The following OTUD7A variants were observed in gnomAD, a reference collection of about 807,000 sequenced individuals.
OTUD7A encodes OTU domain-containing protein 7A.
OTUD7A carries 12 observed loss-of-function variants against 65.7 expected under a neutral mutation model. That is an observed-to-expected ratio of 0.18 (90% CI 0.12 to 0.30). OTUD7A has a LOEUF of 0.30. Ranked by LOEUF, OTUD7A falls within the 10% of genes least tolerant of loss-of-function variation. The pLI, the probability that OTUD7A is intolerant of heterozygous loss-of-function variation, is 1.00. For synonymous variants in OTUD7A, 641 were observed against 586.3 expected, an observed-to-expected ratio of 1.09 and a Z score of -1.35; for missense variants, 1,148 against 1,304.8, an observed-to-expected ratio of 0.88 and a Z score of 1.85.
intron 1 of OTUD7A, among the ~76,000 whole-genome samples, chr15:31,811,094 C>CATGCAGA (rs1896402215): frequency 6.6e-6 from 1 of 152,174 alleles, no homozygotes; most frequent in Non-Finnish European, 1.5e-5. Flanking sequence ...ACAGGTGAGG[C>CATGCAGA]ATGCAGAGAA....
intron 1 of OTUD7A, among the ~76,000 whole-genome samples, chr15:31,864,760 TACACACACACACACAC>T (rs72128495): frequency 6.8e-6 from 1 of 146,478 alleles, no homozygotes; most frequent in Non-Finnish European, 1.5e-5. Context: ...CTCCTCTTCC[TACACACACACACACAC>T]ACACACACAC....
intron 3 of OTUD7A, among the ~76,000 whole-genome samples, chr15:31,570,530 T>A (rs189449764): frequency 6.6e-6 from 1 of 150,840 alleles, no homozygotes; most frequent in East Asian, 1.9e-4. Context: ...CCTTTGAAAA[T>A]CAAGTTGTAG....
intron 1 of OTUD7A, among the ~76,000 whole-genome samples, chr15:31,794,548 A>G (rs1403568967): frequency 6.6e-6 from 1 of 151,916 alleles, no homozygotes; most frequent in Non-Finnish European, 1.5e-5. Flanking sequence ...TAAATGTCTA[A>G]TTGATTCATT....
At chr15:31,683,765 G>A (rs552887236) in intron 1 of OTUD7A, among the ~76,000 whole-genome samples, 58 of 152,116 alleles carry the variant, frequency 3.8e-4, no homozygotes, top group South Asian at 1.9e-3. Context: ...TAACAAAACC[G>A]TCTGGAGTTC....
intron 1 of OTUD7A, among the ~76,000 whole-genome samples, chr15:31,756,551 CAG>C (rs1894817075): frequency 6.6e-6 from 1 of 151,492 alleles, no homozygotes; most frequent in Non-Finnish European, 1.5e-5. Flanking sequence ...GCCAGGGTGA[CAG>C]AGACAGGGCT....
At chr15:31,733,751 C>T (rs1196979487) in intron 1 of OTUD7A, among the ~76,000 whole-genome samples, 1 of 152,184 alleles carries the variant, frequency 6.6e-6, no homozygotes, top group African/African-American at 2.4e-5. Flanking sequence ...TATCTGAGTG[C>T]TCTCAAATGG....
intron 5 of OTUD7A, among the ~76,000 whole-genome samples, chr15:31,550,876 G>C (rs1293251461): frequency 2.0e-5 from 3 of 152,200 alleles, no homozygotes; most frequent in Non-Finnish European, 2.9e-5. Flanking sequence ...GTTTACTCGT[G>C]TCCCTGAAGT....
At chr15:31,568,743 T>C (rs1461399360) in intron 4 of OTUD7A, among the ~76,000 whole-genome samples, 1 of 152,224 alleles carries the variant, frequency 6.6e-6, no homozygotes. Context: ...GGCCAACCCC[T>C]TGGTGATAAG....
chr15:31,622,873 T>C (rs1890835710), intron 3 of OTUD7A, among the ~76,000 whole-genome samples: 1 of 152,194 alleles, frequency 6.6e-6, no homozygotes, highest in Non-Finnish European at 1.5e-5. Context: ...TTCTGCTCTG[T>C]TTTTTCCCCA....
At chr15:31,782,562 C>T (rs1247754193) in intron 1 of OTUD7A, among the ~76,000 whole-genome samples, 7 of 151,920 alleles carry the variant, frequency 4.6e-5, no homozygotes, top group Non-Finnish European at 8.8e-5. Flanking sequence ...CCCAGGGGCA[C>T]GGGAGATGAT....
intron 1 of OTUD7A, among the ~76,000 whole-genome samples, chr15:31,795,278 G>A (rs750709380): frequency 1.3e-5 from 2 of 152,220 alleles, no homozygotes; most frequent in Non-Finnish European, 1.5e-5. Flanking sequence ...GTATGATTGA[G>A]GCTTTCATCT....
intron 3 of OTUD7A, among the ~76,000 whole-genome samples, chr15:31,573,354 A>G (rs1889109171): frequency 1.3e-5 from 2 of 152,240 alleles, no homozygotes; most frequent in Admixed American, 1.3e-4. Context: ...TTTTGAGAAA[A>G]TTAATAGAGG....
intron 1 of OTUD7A, among the ~76,000 whole-genome samples, chr15:31,728,677 T>C (rs1893960625): frequency 6.6e-6 from 1 of 152,256 alleles, no homozygotes; most frequent in African/African-American, 2.4e-5. Context: ...AGGTGCTATG[T>C]CACCTGCTCA....
intron 1 of OTUD7A, among the ~76,000 whole-genome samples, chr15:31,742,045 C>A (rs1175413574): frequency 2.6e-5 from 4 of 152,048 alleles, no homozygotes; most frequent in Non-Finnish European, 4.4e-5. Context: ...AGCCCTATAA[C>A]CACTAAACAA....
chr15:31,777,488 A>C (rs2140921487), intron 1 of OTUD7A, among the ~76,000 whole-genome samples: 1 of 151,396 alleles, frequency 6.6e-6, no homozygotes, highest in Middle Eastern at 3.4e-3. Context: ...GGTTGCCAGG[A>C]TCTTGGGTCA....
chr15:31,526,935 C>A (rs1208289190), intron 7 of OTUD7A, among the ~76,000 whole-genome samples: 1 of 152,194 alleles, frequency 6.6e-6, no homozygotes, highest in Non-Finnish European at 1.5e-5. Flanking sequence ...AGGTAGGCAG[C>A]TTTCATGATT....
chr15:31,810,578 T>C (rs903134041), intron 1 of OTUD7A, among the ~76,000 whole-genome samples: 19 of 152,174 alleles, frequency 1.2e-4, no homozygotes, highest in Non-Finnish European at 4.4e-5. Context: ...AAACTAGCCC[T>C]GCCAGCACCT....
rs2041418912 is a variant in OTUD7A at position 31,498,452 on chromosome 15, G to C, written c.1171+3238C>G. 6.6e-6 allele frequency among the ~76,000 whole-genome samples: 1 copy of C among 152,156 alleles called. No homozygotes were observed. The highest frequency in any genetic ancestry group is 1.5e-5 in the Non-Finnish European group (1 of 68,028). ...TGTTTGCTATAAAAGGAGGGGAGTT[G>C]GGATTGTTGCACTGGATGATTCCAA... On this transcript the variant is annotated intron_variant, in intron 10 of 12. Transcript: ENST00000307050. This position sits in a 1 kb window ranked among gnomAD's most constrained non-coding sequence, Gnocchi z 4.2.
At position 31,484,035 on chromosome 15, in the gene OTUD7A, G is replaced by C; in HGVS notation, c.2061C>G (p.Ala687=). 5.5e-6 allele frequency: 7 copies of C among 1,261,632 alleles called. No homozygotes were observed. The highest frequency in any genetic ancestry group is 6.9e-6 in the Non-Finnish European group (7 of 1,007,798). 78.2% of individuals were successfully genotyped at this position (1,261,632 alleles called of 1,614,324 possible). ...EQRRRDAATA[A]AAAAAAAAAT... ...CGGCGGCGGCGGCGGCGGCAGCGGC[G>C]GCCGCAGTAGCGGCGTCGCGGCGCC... is the stretch of plus-strand genomic sequence containing the variant. The change falls in exon 13 of 13, where the codon GCC becomes GCG. Residue 687 remains alanine (A), a synonymous_variant. Coordinates refer to ENST00000307050, the MANE Select transcript of OTUD7A (RefSeq NM_001382637.1). The surrounding 1 kb of genome is among the most constrained non-coding windows in gnomAD (Gnocchi z 4.5).
Sources: gnomAD v4.1 joint callset for allele counts (sites outside exome capture counted in the v4.1 genomes callset) on GRCh38, gnomAD v4.1.1 for gene constraint, Gnocchi (gnomAD v3.1) non-coding constraint, MANE v1.5 for transcripts, NCBI Gene and HGNC (gene_info 2026-07-23, HGNC 2026-07-21) for gene names.